The following RFLNA variants were observed in gnomAD, a reference collection of about 807,000 sequenced individuals.
RFLNA encodes refilin A.
In RFLNA, 5 loss-of-function variants were observed where a neutral mutation model predicts 7.8. That is an observed-to-expected ratio of 0.64 (90% CI 0.34 to 1.35). The LOEUF (loss-of-function observed/expected upper bound fraction) is 1.35. Among genes scored for constraint, RFLNA ranks in the 40% most tolerant of loss-of-function variants. The pLI is 0.04. For synonymous variants in RFLNA, 141 were observed against 131.3 expected, an observed-to-expected ratio of 1.07 and a Z score of -0.50; for missense variants, 278 against 305.5, an observed-to-expected ratio of 0.91 and a Z score of 0.67.
rs575633819 is a variant in RFLNA, at chr12:124,312,007, G to A, written c.317+80G>A. ...GTCCTGACTCTCTTGTGGGATGGGG[G>A]TGGGGACTAGGCCAAGCTGGGGGCT... On this transcript the variant is annotated intron_variant, in intron 2 of 2. Coordinates refer to ENST00000546355, the MANE Select transcript of RFLNA (RefSeq NM_001365156.1). 3.6e-5 allele frequency: 51 copies of A among 1,428,794 alleles called. No individual in the cohort carries two copies. In the East Asian group the frequency reaches 9.7e-4, roughly 27 times the overall value. The allele number at this position is 1,428,794 out of a possible 1,614,324, so 88.5% of individuals were successfully genotyped here. A position where few individuals can be genotyped will look rare whatever the true frequency, so the allele number is the denominator to read the frequency against.
At position 124,295,406 on chromosome 12, in the gene RFLNA, G is replaced by A. The variant is rs2033888956; in HGVS notation, c.-24G>A. 5.8e-6 allele frequency: 7 copies of A among 1,211,776 alleles called. No homozygotes were observed. Among genetic ancestry groups the A allele is most frequent in the Non-Finnish European group, 7.2e-6 (7 of 970,644 alleles). The allele number at this position is 1,211,776 out of a possible 1,614,324, so 75.1% of individuals were successfully genotyped here. On this transcript the variant is annotated 5_prime_UTR_variant, in exon 1 of 3. Transcript: ENST00000546355. ...GGAGAAGCCCCCGGAGGAGCGGGGG[G>A]CCCGCGCCCCGCGCCCCCCAGACAT... is the stretch of plus-strand genomic sequence containing the variant.
rs2034343766 is a variant in RFLNA at position 124,316,013 on chromosome 12, G to A, written c.*1488G>A. On this transcript the variant is annotated 3_prime_UTR_variant, in exon 3 of 3. Transcript: ENST00000546355. ...AATTGATTGATTATCTTAATAAACTGTGCAAACCCAACGGGACTTCCTTTT... is the reference window on the plus strand; with the variant it reads ...AATTGATTGATTATCTTAATAAACTATGCAAACCCAACGGGACTTCCTTTT... 1 of 152,266 alleles carries A rather than the reference G, an allele frequency of 6.6e-6. No individual in the cohort carries two copies. Among genetic ancestry groups the A allele is most frequent in the Non-Finnish European group, 1.5e-5 (1 of 68,050 alleles). The allele number at this position is 152,266 out of a possible 1,614,324, so 9.4% of individuals were successfully genotyped here. A position where few individuals can be genotyped will look rare whatever the true frequency, so the allele number is the denominator to read the frequency against.
Position 124,314,183 on chromosome 12 carries a change from C to T in RFLNA, c.318-9C>T, listed in dbSNP as rs1257161527. ...TGGGTTCACTCCGCTTCCCTCCTGC[C>T]CTTTCCAGCTGCAACTCTGAGGTCA... On this transcript the variant is annotated splice_polypyrimidine_tract_variant and intron_variant, in intron 2 of 2. Transcript: ENST00000546355. 1 of 1,607,212 alleles carries T rather than the reference C, an allele frequency of 6.2e-7. No individual in the cohort carries two copies. The highest frequency in any genetic ancestry group is 8.5e-7 in the Non-Finnish European group (1 of 1,175,772).
upstream of RFLNA, among the ~76,000 whole-genome samples, chr12:124,290,825 C>G (rs2033814203): frequency 6.6e-6 from 1 of 152,172 alleles, no homozygotes. This position sits in a 1 kb window ranked among gnomAD's most constrained non-coding sequence, Gnocchi z 4.0. Context: ...ATTATCATCC[C>G]TGCTTTATGG....
chr12:124,291,775 C>T (rs1017678846), upstream of RFLNA, among the ~76,000 whole-genome samples: 1 of 152,098 alleles, frequency 6.6e-6, no homozygotes, highest in East Asian at 1.9e-4. Flanking sequence ...TTGAGCTTCC[C>T]CCACACAAAG....
At chr12:124,304,543 T>C (rs7312156) in intron 1 of RFLNA, among the ~76,000 whole-genome samples, 149,464 of 152,342 alleles carry the variant, frequency 0.98, 73,386 homozygotes, top group Middle Eastern at 1. Flanking sequence ...CCAGGTGTGG[T>C]GGTATCCGGA....
At chr12:124,308,620 C>T (rs565107399) in intron 1 of RFLNA, among the ~76,000 whole-genome samples, 1 of 152,250 alleles carries the variant, frequency 6.6e-6, no homozygotes, top group African/African-American at 2.4e-5. Flanking sequence ...CAGACTGTGA[C>T]CTCCCTTGGG....
intron 1 of RFLNA, among the ~76,000 whole-genome samples, chr12:124,296,317 GT>G (rs995240045): frequency 6.7e-6 from 1 of 150,338 alleles, no homozygotes; most frequent in African/African-American, 2.5e-5. Context: ...AAACTCAGGA[GT>G]TTGTCTCCTG....
At chr12:124,290,545 T>G (rs1259840878), upstream of RFLNA, among the ~76,000 whole-genome samples, 1 of 152,210 alleles carries the variant, frequency 6.6e-6, no homozygotes, top group African/African-American at 2.4e-5. This position sits in a 1 kb window ranked among gnomAD's most constrained non-coding sequence, Gnocchi z 4.0. Flanking sequence ...TATGTGTATA[T>G]ACATGTTTAT....
rs557572858 is a variant in RFLNA, at chr12:124,313,523, C to CA, written c.318-663dup. ...GAAACTCCGTCTCTACTAAAAATTA[C>CA]AAAAAATTAGCCAGGCATGGTGGCG... On this transcript the variant is annotated intron_variant, in intron 2 of 2. Transcript: ENST00000546355. Among the ~76,000 whole-genome samples the CA allele has an allele frequency of 2.9e-4, 44 of 152,038 alleles. No individual in the cohort carries two copies. The South Asian group carries it at 8.3e-3, about 29-fold the overall frequency.
In RFLNA at chr12:124,314,569, T is replaced by C; in HGVS notation, c.*44T>C. 1 of 1,533,918 alleles carries C rather than the reference T, an allele frequency of 6.5e-7. No individual in the cohort carries two copies. Among genetic ancestry groups the C allele is most frequent in the Non-Finnish European group, 8.7e-7 (1 of 1,147,894 alleles). On this transcript the variant is annotated 3_prime_UTR_variant, in exon 3 of 3. Coordinates refer to ENST00000546355, the MANE Select transcript of RFLNA (RefSeq NM_001365156.1). ...GGGGTGCTGGAGGAGCCGGGAGCCC[T>C]GGGGAGAAGCCGGGAGGATGGACAC...
rs950963045 is a variant in RFLNA, at chr12:124,289,509, C to T, written c.-37+139C>T. 4 of 152,256 alleles carry T rather than the reference C, an allele frequency of 2.6e-5. No homozygotes were observed. The highest frequency in any genetic ancestry group is 6.5e-5 in the Admixed American group (1 of 15,282). 9.4% of individuals were successfully genotyped at this position (152,256 alleles called of 1,614,324 possible). A position where few individuals can be genotyped will look rare whatever the true frequency, so the allele number is the denominator to read the frequency against. On this transcript the variant is annotated intron_variant, in intron 1 of 2. Coordinates refer to the RFLNA transcript ENST00000324038. This position sits in a 1 kb window ranked among gnomAD's most constrained non-coding sequence, Gnocchi z 5.0. Reference sequence around the variant, plus strand: ...GGGAATCTGGAGGCTGTCCTGGACACGCACATACAAATGGCAGCAGAACGT... The same window carrying T: ...GGGAATCTGGAGGCTGTCCTGGACATGCACATACAAATGGCAGCAGAACGT...
At chr12:124,307,674 G>A (rs1163026394) in intron 1 of RFLNA, among the ~76,000 whole-genome samples, 1 of 152,218 alleles carries the variant, frequency 6.6e-6, no homozygotes, top group Non-Finnish European at 1.5e-5. Flanking sequence ...CGGAGGGCTG[G>A]GCGGCGCAGG....
At chr12:124,312,938 C>A (rs531013746) in intron 2 of RFLNA, among the ~76,000 whole-genome samples, 1 of 152,308 alleles carries the variant, frequency 6.6e-6, no homozygotes, top group East Asian at 1.9e-4. Context: ...GTGAGTCTTA[C>A]CCACATATCT....
intron 1 of RFLNA, among the ~76,000 whole-genome samples, chr12:124,298,034 G>A (rs2033962241): frequency 6.6e-6 from 1 of 152,262 alleles, no homozygotes; most frequent in African/African-American, 2.4e-5. Flanking sequence ...CCGAGGAAGA[G>A]GATGGGGTGA....
chr12:124,308,827 C>T (rs999411949), intron 1 of RFLNA, among the ~76,000 whole-genome samples: 2 of 152,238 alleles, frequency 1.3e-5, no homozygotes, highest in African/African-American at 2.4e-5. Flanking sequence ...GGGCTGGGGC[C>T]GGCCCGCCGG....
At chr12:124,292,942 G>A (rs562972344), upstream of RFLNA, among the ~76,000 whole-genome samples, 3 of 152,300 alleles carry the variant, frequency 2.0e-5, no homozygotes, top group African/African-American at 7.2e-5. Context: ...ATCTTATTTT[G>A]AGACAGAGTC....
chr12:124,305,768 A>G (rs1045717144), intron 1 of RFLNA, among the ~76,000 whole-genome samples: 2 of 152,224 alleles, frequency 1.3e-5, no homozygotes, highest in African/African-American at 4.8e-5. Context: ...TCACATCTGC[A>G]AAGTCCCTTT....
In RFLNA at chr12:124,302,562, C is replaced by T. The variant is rs1159020819; in HGVS notation, c.207+6926C>T. ...AGAAAGACCCACCCCTGCCCCGGCCCCCTGCCCCAGGATTCGCCAATAGCC... is the reference window on the plus strand; with the variant it reads ...AGAAAGACCCACCCCTGCCCCGGCCTCCTGCCCCAGGATTCGCCAATAGCC... On this transcript the variant is annotated intron_variant, in intron 1 of 2. Transcript: ENST00000546355. Among the ~76,000 whole-genome samples, 5 of 152,286 alleles carry T rather than the reference C, an allele frequency of 3.3e-5. No individual in the cohort carries two copies. In the South Asian group the frequency reaches 6.2e-4, roughly 19 times the overall value.
Sources: allele counts gnomAD v4.1 joint callset (sites outside exome capture counted in the v4.1 genomes callset), GRCh38; gene constraint gnomAD v4.1.1; non-coding constraint Gnocchi (gnomAD v3.1); transcripts MANE v1.5; gene names NCBI Gene and HGNC (gene_info 2026-07-23, HGNC 2026-07-21).